The following MME variants were observed in gnomAD, a reference collection of about 807,000 sequenced individuals.
The protein encoded by MME is membrane metalloendopeptidase.
In MME, 98 loss-of-function variants were observed where a neutral mutation model predicts 113.2. The observed-to-expected ratio is 0.87, with a 90% CI of 0.74 to 1.02. The LOEUF is 1.02. Among genes scored for constraint, MME ranks in the 50% least tolerant of loss-of-function variants. MME has a pLI of 0.00. For synonymous variants in MME, 292 were observed against 300.6 expected, an observed-to-expected ratio of 0.97 and a Z score of 0.30; for missense variants, 836 against 896.0, an observed-to-expected ratio of 0.93 and a Z score of 0.86.
intron 3 of MME, among the ~76,000 whole-genome samples, chr3:155,087,187 A>T (rs1016738285): frequency 6.6e-6 from 1 of 151,700 alleles, no homozygotes; most frequent in African/African-American, 2.4e-5. Context: ...TTGCAAAAAA[A>T]TGACGGGAAA....
chr3:155,175,814 T>G (rs1712462060), intron 22 of MME, among the ~76,000 whole-genome samples: 1 of 152,144 alleles, frequency 6.6e-6, no homozygotes, highest in Non-Finnish European at 1.5e-5. Flanking sequence ...AACTCTGTAA[T>G]TTAGCATGCT....
chr3:155,032,000 T>C (rs901665041), intron 1 of MME, among the ~76,000 whole-genome samples: 3 of 152,218 alleles, frequency 2.0e-5, no homozygotes, highest in African/African-American at 7.2e-5. Context: ...TAAACTAATG[T>C]AGCTATTTCC....
At chr3:155,035,551 A>G (rs1713100991) in intron 1 of MME, among the ~76,000 whole-genome samples, 1 of 152,148 alleles carries the variant, frequency 6.6e-6, no homozygotes, top group South Asian at 2.1e-4. Flanking sequence ...TTTCATATGA[A>G]ATGGTCAGGG....
At chr3:155,139,332 A>G (rs1720877305) in intron 9 of MME, among the ~76,000 whole-genome samples, 1 of 152,132 alleles carries the variant, frequency 6.6e-6, no homozygotes, top group African/African-American at 2.4e-5. Context: ...TTAGATTGGC[A>G]TGAGGCCTTA....
intron 3 of MME, among the ~76,000 whole-genome samples, chr3:155,103,645 T>C (rs1455569034): frequency 6.6e-6 from 1 of 152,248 alleles, no homozygotes; most frequent in Non-Finnish European, 1.5e-5. Context: ...TCCAGCTCTC[T>C]AGGAGCAAAG....
intron 16 of MME, 98 bp downstream of exon 16, chr3:155,148,751 TA>T: frequency 1.1e-6 from 1 of 894,504 alleles, no homozygotes; most frequent in South Asian, 1.4e-5. Context: ...AGAAAAATAT[TA>T]AAAAGTACAA....
chr3:155,137,392 A>G (rs1720714173), intron 8 of MME, among the ~76,000 whole-genome samples: 1 of 152,214 alleles, frequency 6.6e-6, no homozygotes, highest in Admixed American at 6.5e-5. Flanking sequence ...AATGACTATG[A>G]AAAAGAGATT....
At chr3:155,088,925 T>C (rs1356432105) in intron 3 of MME, among the ~76,000 whole-genome samples, 1 of 152,154 alleles carries the variant, frequency 6.6e-6, no homozygotes, top group East Asian at 1.9e-4. Flanking sequence ...AATGTACTTA[T>C]CTTTGATTCT....
chr3:155,174,187 CTG>C (rs1712274503), intron 22 of MME, among the ~76,000 whole-genome samples: 1 of 152,072 alleles, frequency 6.6e-6, no homozygotes, highest in Non-Finnish European at 1.5e-5. Flanking sequence ...AAGTATATAA[CTG>C]TTTTCTAGCT....
rs1711796738 is a variant in MME at position 155,170,414 on chromosome 3, C to G, written c.1980+1617C>G. ...TATTCTTGAGCTTTATTCTAGGATACAGTTAAATTCCTTGAAAATGGTTTG... is the reference window on the plus strand; with the variant it reads ...TATTCTTGAGCTTTATTCTAGGATAGAGTTAAATTCCTTGAAAATGGTTTG... On this transcript the variant is annotated intron_variant, in intron 20 of 22. Transcript: ENST00000360490. Among the ~76,000 whole-genome samples the G allele has an allele frequency of 2.6e-5, 4 of 152,118 alleles. No individual in the cohort carries two copies. In the South Asian group the frequency reaches 8.3e-4, roughly 32 times the overall value.
At chr3:155,074,426 C>CCTTT in intron 1 of MME, among the ~76,000 whole-genome samples, 1 of 151,394 alleles carries the variant, frequency 6.6e-6, no homozygotes, top group East Asian at 2.0e-4. Context: ...GTGTGTGTTT[C>CCTTT]CTTTCTTTCT....
chr3:155,070,656 T>A (rs574469633), intron 1 of MME, among the ~76,000 whole-genome samples: 1 of 152,340 alleles, frequency 6.6e-6, no homozygotes, highest in African/African-American at 2.4e-5. Flanking sequence ...CACCTGGCAC[T>A]TTTCCTGGAA....
At chr3:155,054,503 A>C (rs1713862090) in intron 1 of MME, among the ~76,000 whole-genome samples, 1 of 152,184 alleles carries the variant, frequency 6.6e-6, no homozygotes, top group Admixed American at 6.5e-5. Context: ...CTCCCATATA[A>C]TTTTGTTAAA....
At chr3:155,053,945 C>G (rs1220318133) in intron 1 of MME, among the ~76,000 whole-genome samples, 1 of 152,168 alleles carries the variant, frequency 6.6e-6, no homozygotes, top group African/African-American at 2.4e-5. Flanking sequence ...ACCAGTAACC[C>G]TTTTATAACT....
At chr3:155,030,585 A>G (rs1222307424) in intron 1 of MME, among the ~76,000 whole-genome samples, 1 of 151,384 alleles carries the variant, frequency 6.6e-6, no homozygotes, top group Non-Finnish European at 1.5e-5. Context: ...TTTTTTTTCT[A>G]GTTTAAACCA....
chr3:155,092,198 A>G (rs529005481), intron 3 of MME, among the ~76,000 whole-genome samples: 2 of 152,324 alleles, frequency 1.3e-5, no homozygotes, highest in South Asian at 2.1e-4. Flanking sequence ...TCTTTTCCAT[A>G]AACATCCTCA....
At chr3:155,161,048 A>T (rs901298846) in intron 17 of MME, among the ~76,000 whole-genome samples, 3 of 152,164 alleles carry the variant, frequency 2.0e-5, no homozygotes, top group Non-Finnish European at 4.4e-5. Flanking sequence ...TAGTATTATT[A>T]CAGACATATA....
chr3:155,142,133 T>G lies in MME; in HGVS notation c.1094+6T>G. The stretch of plus-strand genomic sequence containing the variant: ...CTTACCAAATATTCTGCCAGGTAGG[T>G]ATGTCACAGTCCCCATGTCCTCAAA... On this transcript the variant is annotated splice_donor_region_variant and intron_variant, in intron 11 of 22. Coordinates refer to ENST00000360490, the MANE Select transcript of MME (RefSeq NM_007289.4). The G allele has an allele frequency of 1.2e-6, 2 of 1,613,824 alleles. No homozygotes were observed. The highest frequency in any genetic ancestry group is 1.7e-6 in the Non-Finnish European group (2 of 1,179,776).
At chr3:155,057,806 T>G (rs932290710) in intron 1 of MME, among the ~76,000 whole-genome samples, 6 of 151,980 alleles carry the variant, frequency 3.9e-5, no homozygotes, top group Non-Finnish European at 5.9e-5. Context: ...CTCCCCATAC[T>G]GCTTACAGGA....
Sources: gnomAD v4.1 joint callset for allele counts (sites outside exome capture counted in the v4.1 genomes callset) on GRCh38, gnomAD v4.1.1 for gene constraint, MANE v1.5 for transcripts, NCBI Gene and HGNC (gene_info 2026-07-23, HGNC 2026-07-21) for gene names.